Variants in CADM2 observed in about 807,000 individuals in gnomAD.
CADM2 encodes immunoglobulin superfamily member 4D.
CADM2 carries 12 observed loss-of-function variants against 49.8 expected under a neutral mutation model. That is an observed-to-expected ratio of 0.24 (90% CI 0.15 to 0.39). CADM2 has a LOEUF of 0.39. Ranked by LOEUF, CADM2 falls within the 10% of genes least tolerant of loss-of-function variation. CADM2 has a pLI of 1.00. For missense variants in CADM2, 378 were observed against 492.3 expected (o/e 0.77, Z 2.20); for synonymous variants, 214 against 175.4 (o/e 1.22, Z -1.74).
chr3:85,032,595 T>C (rs1405136832), intron 1 of CADM2, among the ~76,000 whole-genome samples: 2 of 152,212 alleles, frequency 1.3e-5, no homozygotes, highest in African/African-American at 2.4e-5. Context: ...ATCAATTCTG[T>C]ATGCATTGCA....
intron 3 of CADM2, among the ~76,000 whole-genome samples, chr3:85,803,595 G>C (rs1036279526): frequency 2.6e-5 from 4 of 152,066 alleles, no homozygotes; most frequent in Non-Finnish European, 4.4e-5. Context: ...TGGCAAGTTT[G>C]AAAAATGCAG....
intron 1 of CADM2, among the ~76,000 whole-genome samples, chr3:85,212,838 C>CTTTCTTTCTTTCTTTCTTTCTTT: frequency 9.1e-6 from 1 of 110,114 alleles, no homozygotes; most frequent in African/African-American, 4.2e-5. Flanking sequence ...TTCTTTCTTT[C>CTTTCTTTCTTTCTTTCTTTCTTT]TTTCTTTCTT....
At chr3:85,926,278 G>T (rs944303692) in intron 6 of CADM2, among the ~76,000 whole-genome samples, 1 of 152,036 alleles carries the variant, frequency 6.6e-6, no homozygotes, top group Non-Finnish European at 1.5e-5. Context: ...CTGGTGTGGG[G>T]CTGTCCTATG....
chr3:85,728,968 G>C (rs1318287994), intron 2 of CADM2, among the ~76,000 whole-genome samples: 1 of 152,056 alleles, frequency 6.6e-6, no homozygotes, highest in Admixed American at 6.6e-5. Context: ...CAGTATAGGA[G>C]GGCAGTAGCA....
At chr3:85,423,066 A>C (rs1272037630) in intron 1 of CADM2, among the ~76,000 whole-genome samples, 2 of 152,102 alleles carry the variant, frequency 1.3e-5, no homozygotes, top group Non-Finnish European at 2.9e-5. Flanking sequence ...GGCTTTCAGC[A>C]GGATGGGGAA....
At chr3:85,458,075 T>C (rs764902907) in intron 1 of CADM2, among the ~76,000 whole-genome samples, 1 of 152,226 alleles carries the variant, frequency 6.6e-6, no homozygotes, top group Non-Finnish European at 1.5e-5. Context: ...ACTATTCCTT[T>C]GTTTATGATC....
In CADM2 at chr3:85,390,520, C is replaced by T. The variant is rs528332058; in HGVS notation, c.62-336002C>T. The stretch of plus-strand genomic sequence containing the variant: ...TATGTAACTCTCCTTCCTTATCCTT[C>T]TAGGTGTAGGAGGTCAGGCCTGTAT... On this transcript the variant is annotated intron_variant, in intron 1 of 9. Coordinates refer to ENST00000383699, the MANE Select transcript of CADM2 (RefSeq NM_001167675.2). 2.6e-5 allele frequency among the ~76,000 whole-genome samples: 4 copies of T among 152,160 alleles called. No homozygotes were observed. In the South Asian group the frequency reaches 6.2e-4, roughly 24 times the overall value.
At chr3:86,031,824 G>C (rs1424428441) in intron 8 of CADM2, among the ~76,000 whole-genome samples, 1 of 151,568 alleles carries the variant, frequency 6.6e-6, no homozygotes, top group Non-Finnish European at 1.5e-5. Flanking sequence ...ATGTCCTCTA[G>C]GGAATATTGA....
intron 1 of CADM2, among the ~76,000 whole-genome samples, chr3:85,723,864 T>C (rs1267232744): frequency 6.6e-6 from 1 of 152,052 alleles, no homozygotes; most frequent in East Asian, 1.9e-4. Flanking sequence ...GCATGTTTTC[T>C]TTGAATTCAT....
intron 1 of CADM2, among the ~76,000 whole-genome samples, chr3:85,327,065 T>C (rs2044774417): frequency 6.6e-6 from 1 of 151,996 alleles, no homozygotes; most frequent in Non-Finnish European, 1.5e-5. Flanking sequence ...CTTTCCTTTT[T>C]ATTTGTTTTG....
intron 1 of CADM2, among the ~76,000 whole-genome samples, chr3:85,488,789 A>C (rs1404436130): frequency 3.3e-5 from 5 of 152,122 alleles, no homozygotes; most frequent in African/African-American, 1.2e-4. Context: ...TCGGCCTCCC[A>C]AAGTGCTGGG....
chr3:85,398,148 C>T (rs554972706), intron 1 of CADM2, among the ~76,000 whole-genome samples: 4 of 151,866 alleles, frequency 2.6e-5, no homozygotes, highest in Admixed American at 6.6e-5. Flanking sequence ...TAATGCTTTC[C>T]CTCCCCCCTT....
At chr3:85,621,343 T>A (rs969361918) in intron 1 of CADM2, among the ~76,000 whole-genome samples, 1 of 152,084 alleles carries the variant, frequency 6.6e-6, no homozygotes, top group Non-Finnish European at 1.5e-5. Flanking sequence ...TAAAAGACAA[T>A]AATATCTGTT....
At chr3:85,845,416 C>T (rs891032710) in intron 3 of CADM2, among the ~76,000 whole-genome samples, 28 of 152,108 alleles carry the variant, frequency 1.8e-4, no homozygotes, top group Admixed American at 3.3e-4. Flanking sequence ...CTTCTCCTTT[C>T]TTGTAACTAT....
chr3:86,028,563 G>GA (rs1343637653), intron 8 of CADM2, among the ~76,000 whole-genome samples: 1 of 152,102 alleles, frequency 6.6e-6, no homozygotes, highest in Admixed American at 6.6e-5. Context: ...CTCTTTTAGA[G>GA]AAAATCTTCT....
At chr3:85,314,833 G>A (rs1029421192) in intron 1 of CADM2, among the ~76,000 whole-genome samples, 11 of 152,118 alleles carry the variant, frequency 7.2e-5, no homozygotes, top group Non-Finnish European at 1.6e-4. Context: ...TAAATAAATA[G>A]TTGTTGCATT....
At chr3:85,884,660 T>C (rs1001563266) in intron 4 of CADM2, among the ~76,000 whole-genome samples, 1 of 152,002 alleles carries the variant, frequency 6.6e-6, no homozygotes, top group Non-Finnish European at 1.5e-5. Flanking sequence ...TAATTTTTCA[T>C]GTATCTTTGT....
rs529261036 is a variant in CADM2, at chr3:85,489,038, T to A, written c.62-237484T>A. 2.0e-5 allele frequency among the ~76,000 whole-genome samples: 3 copies of A among 152,324 alleles called. No individual in the cohort carries two copies. In the East Asian group the frequency reaches 5.8e-4, roughly 29 times the overall value. On this transcript the variant is annotated intron_variant, in intron 1 of 9. Coordinates refer to ENST00000383699, the MANE Select transcript of CADM2 (RefSeq NM_001167675.2). ...ATTTTCCTGGGTAATATCTTAAGAATCTTGTGCAATTCCTACCCAAGTGTC... is the reference window on the plus strand; with the variant it reads ...ATTTTCCTGGGTAATATCTTAAGAAACTTGTGCAATTCCTACCCAAGTGTC...
intron 1 of CADM2, among the ~76,000 whole-genome samples, chr3:85,116,433 G>T (rs1373597305): frequency 2.0e-5 from 3 of 151,994 alleles, no homozygotes; most frequent in African/African-American, 7.3e-5. Flanking sequence ...TAAAAAATAA[G>T]AAAATTAAAA....
Sources: allele counts gnomAD v4.1 joint callset (sites outside exome capture counted in the v4.1 genomes callset), GRCh38; gene constraint gnomAD v4.1.1; transcripts MANE v1.5; gene names NCBI Gene and HGNC (gene_info 2026-07-23, HGNC 2026-07-21).